The following CDV3 variants were observed in gnomAD, a reference collection of about 807,000 sequenced individuals.
CDV3 encodes CDV3 homolog, also known as protein CDV3 homolog.
A neutral mutation model predicts 24.5 loss-of-function variants in CDV3; 14 were observed. The observed-to-expected ratio is 0.57, with a 90% CI of 0.38 to 0.89. The LOEUF is 0.89. Among genes scored for constraint, CDV3 ranks in the 40% least tolerant of loss-of-function variants. The pLI, the probability that CDV3 is intolerant of heterozygous loss-of-function variation, is 0.00. For synonymous variants in CDV3, 114 were observed against 114.1 expected (o/e 1.00, Z 0.00); for missense variants, 304 against 310.2 (o/e 0.98, Z 0.15).
Position 133,584,131 on chromosome 3 carries a change from ACCTCCTGCT to A in CDV3, c.450_458del (p.Pro151_Pro153del). 1 of 1,606,210 alleles carries A rather than the reference ACCTCCTGCT, an allele frequency of 6.2e-7. No homozygotes were observed. The highest frequency in any genetic ancestry group is 8.5e-7 in the Non-Finnish European group (1 of 1,177,434). On this transcript the variant is annotated inframe_deletion, in exon 3 of 5. Transcript: ENST00000264993. ...GGAATAAAACAGCTCCAGTACAAGC[ACCTCCTGCT>A]CCAGTAATTGGTAATTTTACTATTT... is the stretch of plus-strand genomic sequence containing the variant.
intron 2 of CDV3, among the ~76,000 whole-genome samples, chr3:133,580,554 T>G (rs1042869334): frequency 6.6e-6 from 1 of 152,090 alleles, no homozygotes; most frequent in African/African-American, 2.4e-5. Flanking sequence ...TACAAAAAAT[T>G]AGCTGGGCAT....
intron 1 of CDV3, 24 bp from the exon 2 acceptor site, chr3:133,575,015 G>T: frequency 2.1e-6 from 3 of 1,462,116 alleles, no homozygotes; most frequent in South Asian, 2.3e-5. Flanking sequence ...AGCTTTAATT[G>T]ATCAAATGGC....
In CDV3 at chr3:133,586,764, TC is replaced by T. The variant is rs201471631; in HGVS notation, c.626+44del. 885 of 1,314,510 alleles carry T rather than the reference TC, an allele frequency of 6.7e-4. 2 individuals are homozygous for T. In the African/African-American group the frequency reaches 0.012, roughly 17 times the overall value. 81.4% of individuals were successfully genotyped at this position (1,314,510 alleles called of 1,614,324 possible). On this transcript the variant is annotated intron_variant, in intron 4 of 4. Transcript: ENST00000264993. Reference sequence around the variant, plus strand: ...ATTGCATTTTGTTTGGGACTTCTGTTCCTAGGCCAGGGAGTGGGATATAGGG... The same window carrying T: ...ATTGCATTTTGTTTGGGACTTCTGTTCTAGGCCAGGGAGTGGGATATAGGG...
chr3:133,577,036 C>T (rs985840129), intron 2 of CDV3, among the ~76,000 whole-genome samples: 5 of 151,474 alleles, frequency 3.3e-5, no homozygotes, highest in South Asian at 2.1e-4. Flanking sequence ...TTAGTAGAGA[C>T]GGAGTTTCAT....
intron 3 of CDV3, among the ~76,000 whole-genome samples, chr3:133,584,821 A>T (rs1933417517): frequency 6.6e-6 from 1 of 152,182 alleles, no homozygotes. Context: ...TGGCCCACGA[A>T]AAGACTAGAA....
chr3:133,574,445 G>T (rs2074722841), intron 1 of CDV3, 161 bp downstream of exon 1: 2 of 986,074 alleles, frequency 2.0e-6, no homozygotes, highest in South Asian at 4.7e-5. Context: ...GGCTGGGCTC[G>T]CCAGGGCCGG....
chr3:133,581,294 G>A (rs1932990386), intron 2 of CDV3, among the ~76,000 whole-genome samples: 1 of 152,126 alleles, frequency 6.6e-6, no homozygotes, highest in South Asian at 2.1e-4. Flanking sequence ...TGAGGTGGGA[G>A]TATCTCTTGA....
At chr3:133,577,853 C>T (rs1457080555) in intron 2 of CDV3, among the ~76,000 whole-genome samples, 1 of 152,176 alleles carries the variant, frequency 6.6e-6, no homozygotes, top group African/African-American at 2.4e-5. Flanking sequence ...AGTTTTGTGT[C>T]TGAATTAACA....
chr3:133,582,393 C>T (rs1933134221), intron 2 of CDV3, among the ~76,000 whole-genome samples: 1 of 152,188 alleles, frequency 6.6e-6, no homozygotes, highest in African/African-American at 2.4e-5. Context: ...CTCAGGTCAT[C>T]GGCCTGCCTC....
chr3:133,578,962 A>G (rs1073196), intron 2 of CDV3, among the ~76,000 whole-genome samples: 31,793 of 152,156 alleles, frequency 0.21, 4,409 homozygotes, highest in African/African-American at 0.36. Context: ...ATCTTAGAGA[A>G]TATTTTTGCA....
In CDV3 at chr3:133,588,494, T is replaced by A. The variant is rs901780386; in HGVS notation, c.*448T>A. The stretch of plus-strand genomic sequence containing the variant: ...TGCAACCAGCTCTACTGGATTCTTA[T>A]CAGAAATCCTGCATAAAAAGTCAGC... On this transcript the variant is annotated 3_prime_UTR_variant, in exon 5 of 5. Coordinates refer to ENST00000264993, the MANE Select transcript of CDV3 (RefSeq NM_017548.5). 3.2e-6 allele frequency: 3 copies of A among 933,236 alleles called. No homozygotes were observed. 57.8% of individuals were successfully genotyped at this position (933,236 alleles called of 1,614,324 possible).
At chr3:133,582,252 G>C (rs1013923960) in intron 2 of CDV3, among the ~76,000 whole-genome samples, 2 of 152,172 alleles carry the variant, frequency 1.3e-5, no homozygotes, top group African/African-American at 4.8e-5. Flanking sequence ...TGCCTCCCAG[G>C]TTCACCTGAT....
rs1286881004 is a variant in CDV3, at chr3:133,588,606, C to T, written c.*560C>T. The stretch of plus-strand genomic sequence containing the variant: ...GTGCCCTACCCTTAAGGAATACTCT[C>T]TGTAGTAGGCTGTTGTTATATTAGA... On this transcript the variant is annotated 3_prime_UTR_variant, in exon 5 of 5. Coordinates refer to ENST00000264993, the MANE Select transcript of CDV3 (RefSeq NM_017548.5). The T allele has an allele frequency of 2.4e-5, 14 of 573,018 alleles. No individual in the cohort carries two copies. The East Asian group carries it at 4.0e-4, about 16-fold the overall frequency. The allele number at this position is 573,018 out of a possible 1,614,324, so 35.5% of individuals were successfully genotyped here.
At chr3:133,580,756 G>C (rs1932935749) in intron 2 of CDV3, among the ~76,000 whole-genome samples, 1 of 152,098 alleles carries the variant, frequency 6.6e-6, no homozygotes, top group African/African-American at 2.4e-5. Flanking sequence ...GCTCAAGCTG[G>C]TTTTGAACTC....
chr3:133,584,639 CAGAA>C (rs1361068048), intron 3 of CDV3, among the ~76,000 whole-genome samples: 1 of 152,128 alleles, frequency 6.6e-6, no homozygotes, highest in Non-Finnish European at 1.5e-5. Context: ...TGAGTAAAGA[CAGAA>C]AGACAAGGGG....
intron 2 of CDV3, among the ~76,000 whole-genome samples, chr3:133,582,457 A>G (rs1313976912): frequency 6.6e-6 from 1 of 152,218 alleles, no homozygotes; most frequent in Non-Finnish European, 1.5e-5. Context: ...GGCCAGTGCC[A>G]TTATTTTTGA....
chr3:133,577,382 CAG>C (rs1488944656), intron 2 of CDV3, among the ~76,000 whole-genome samples: 5 of 147,392 alleles, frequency 3.4e-5, no homozygotes, highest in African/African-American at 1.3e-4. Context: ...TTTTTTGAGA[CAG>C]AGTTTCGCTC....
Position 133,573,959 on chromosome 3 carries a change from CA to C in CDV3, c.-85del. The C allele has an allele frequency of 1.0e-6, 1 of 990,856 alleles. No individual in the cohort carries two copies. Among genetic ancestry groups the C allele is most frequent in the African/African-American group, 1.8e-5 (1 of 56,970 alleles). The allele number at this position is 990,856 out of a possible 1,614,324, so 61.4% of individuals were successfully genotyped here. ...GTCGCCGCGCCCGGCAGCGTGAGCGCAGAGCCGGCCTCGACCCCGAGCTCGG... is the reference window on the plus strand; with the variant it reads ...GTCGCCGCGCCCGGCAGCGTGAGCGCGAGCCGGCCTCGACCCCGAGCTCGG... On this transcript the variant is annotated 5_prime_UTR_variant, in exon 1 of 5. Transcript: ENST00000264993.
chr3:133,585,321 TGA>T (rs1471377114), intron 3 of CDV3, among the ~76,000 whole-genome samples: 1 of 152,158 alleles, frequency 6.6e-6, no homozygotes, highest in Non-Finnish European at 1.5e-5. Flanking sequence ...ATTGCAGGTG[TGA>T]GTCACCACAC....
Sources: allele counts gnomAD v4.1 joint callset (sites outside exome capture counted in the v4.1 genomes callset), GRCh38; gene constraint gnomAD v4.1.1; transcripts MANE v1.5; gene names NCBI Gene and HGNC (gene_info 2026-07-23, HGNC 2026-07-21).